AGBL1: variants seen among roughly 807,000 people sequenced by gnomAD.
AGBL1 encodes AGBL carboxypeptidase 1, also known as cytosolic carboxypeptidase 4.
AGBL1 carries 130 observed loss-of-function variants against 118.9 expected under a neutral mutation model. The ratio of observed to expected loss-of-function variants is 1.09; its 90% confidence interval spans 0.95 to 1.26. AGBL1 has a LOEUF of 1.26. Ranked by LOEUF, AGBL1 falls within the 50% of genes most tolerant of loss-of-function variation. The probability of loss-of-function intolerance (pLI) is 0.00; values close to 1 mark genes in which losing one functional copy is unlikely to be tolerated. For synonymous variants in AGBL1, 555 were observed against 478.9 expected, an observed-to-expected ratio of 1.16 and a Z score of -2.08; for missense variants, 1,584 against 1,298.1, an observed-to-expected ratio of 1.22 and a Z score of -3.38.
chr15:86,726,236 A>G, intron 22 of AGBL1, among the ~76,000 whole-genome samples: 1 of 152,310 alleles, frequency 6.6e-6, no homozygotes, highest in East Asian at 1.9e-4. Context: ...AGCTGTGACT[A>G]AATCTTTTGT....
chr15:86,204,202 A>G (rs981688819), intron 5 of AGBL1, among the ~76,000 whole-genome samples: 1 of 152,150 alleles, frequency 6.6e-6, no homozygotes, highest in Non-Finnish European at 1.5e-5. Flanking sequence ...CTGTGTCCCA[A>G]TACTCAGTGG....
intron 21 of AGBL1, among the ~76,000 whole-genome samples, chr15:86,562,820 A>T (rs1164607565): frequency 6.6e-6 from 1 of 151,638 alleles, no homozygotes; most frequent in Non-Finnish European, 1.5e-5. Context: ...TCAATTTCAG[A>T]GCCTGTTATT....
intron 2 of AGBL1, 65 bp from the exon 3 acceptor site, chr15:86,143,634 T>C: frequency 1.3e-6 from 2 of 1,573,498 alleles, no homozygotes; most frequent in Non-Finnish European, 1.7e-6. Flanking sequence ...GGGAGGTCTG[T>C]CTTCTGCTCC....
chr15:86,895,826 C>G (rs12324226), intron 22 of AGBL1, among the ~76,000 whole-genome samples: 14,998 of 151,986 alleles, frequency 0.099, 1,255 homozygotes, highest in African/African-American at 0.22. Flanking sequence ...CTTTATTTCT[C>G]AAGTTTTCTA....
intron 21 of AGBL1, among the ~76,000 whole-genome samples, chr15:86,588,313 C>T (rs932022206): frequency 6.6e-6 from 1 of 152,120 alleles, no homozygotes; most frequent in African/African-American, 2.4e-5. Flanking sequence ...ATCAAAGACC[C>T]TCTTACACAG....
chr15:86,831,188 C>G lies in AGBL1; in HGVS notation c.3159-75899C>G, dbSNP rs567445290. ...CTCCCCCTGGGTTCCTCCCATGACA[C>G]ATGAGGATTATGGGAGCTAAAATTC... On this transcript the variant is annotated intron_variant, in intron 22 of 22. Transcript: ENST00000614907. Among the ~76,000 whole-genome samples, 8 of 152,278 alleles carry G rather than the reference C, an allele frequency of 5.3e-5. No homozygotes were observed. The South Asian group carries it at 1.5e-3, about 28-fold the overall frequency.
chr15:86,116,414 C>T (rs890216228), intron 1 of AGBL1, among the ~76,000 whole-genome samples: 1 of 152,124 alleles, frequency 6.6e-6, no homozygotes, highest in African/African-American at 2.4e-5. Flanking sequence ...CTAAGGGATG[C>T]CCAGGTAGCT....
At chr15:86,942,276 G>A (rs1321054600) in intron 23 of AGBL1, among the ~76,000 whole-genome samples, 1 of 152,182 alleles carries the variant, frequency 6.6e-6, no homozygotes, top group East Asian at 1.9e-4. Context: ...TGTGCTTGGA[G>A]GACTGTGAAG....
chr15:86,120,106 G>A (rs905088225), intron 1 of AGBL1, among the ~76,000 whole-genome samples: 1 of 152,112 alleles, frequency 6.6e-6, no homozygotes, highest in African/African-American at 2.4e-5. Flanking sequence ...ATTGCCTATA[G>A]GATAAAATCT....
intron 22 of AGBL1, among the ~76,000 whole-genome samples, chr15:86,778,671 G>A (rs1468916465): frequency 3.3e-5 from 5 of 152,088 alleles, no homozygotes; most frequent in African/African-American, 9.7e-5. Context: ...TGCTGTTATC[G>A]TGTTCTTTTT....
chr15:86,888,119 C>T (rs1396440576), intron 22 of AGBL1, among the ~76,000 whole-genome samples: 1 of 152,036 alleles, frequency 6.6e-6, no homozygotes, highest in African/African-American at 2.4e-5. Flanking sequence ...TTTGGGCCCA[C>T]AGAGATCAAA....
intron 1 of AGBL1, among the ~76,000 whole-genome samples, chr15:86,135,917 T>C (rs2076882808): frequency 3.3e-5 from 5 of 152,298 alleles, no homozygotes; most frequent in African/African-American, 7.2e-5. Flanking sequence ...TCATGTGGAA[T>C]ACTTGATCTG....
intron 24 of AGBL1, among the ~76,000 whole-genome samples, chr15:87,009,161 G>T (rs2081533699): frequency 6.6e-6 from 1 of 152,140 alleles, no homozygotes; most frequent in South Asian, 2.1e-4. Flanking sequence ...AGGTGCAGAG[G>T]TAGTTTAGGA....
intron 2 of AGBL1, among the ~76,000 whole-genome samples, chr15:86,143,195 G>T (rs945759727): frequency 6.6e-6 from 1 of 152,172 alleles, no homozygotes; most frequent in South Asian, 2.1e-4. Context: ...AGGGACTACT[G>T]CAGTGGTTTC....
intron 18 of AGBL1, among the ~76,000 whole-genome samples, chr15:86,472,840 G>T (rs1273692644): frequency 6.6e-6 from 1 of 152,060 alleles, no homozygotes; most frequent in Non-Finnish European, 1.5e-5. Context: ...AATTGCTTGA[G>T]CCCAAAAGGC....
rs1269333415 is a variant in AGBL1 at position 86,728,764 on chromosome 15, G to T, written c.3158+54328G>T. Among the ~76,000 whole-genome samples, 9 of 152,122 alleles carry T rather than the reference G, an allele frequency of 5.9e-5. No individual in the cohort carries two copies. In the East Asian group the frequency reaches 1.7e-3, roughly 29 times the overall value. On this transcript the variant is annotated intron_variant, in intron 22 of 22. Transcript: ENST00000614907. ...TGTGTCTGGAGTTATCAAGGGGATA[G>T]AATTCCAGGTTTCTCTTTACTTGCT...
intron 22 of AGBL1, among the ~76,000 whole-genome samples, chr15:86,875,326 T>G (rs2079791963): frequency 6.6e-6 from 1 of 152,142 alleles, no homozygotes; most frequent in Admixed American, 6.5e-5. Flanking sequence ...CCAGATCACA[T>G]CTTACTATCC....
intron 17 of AGBL1, among the ~76,000 whole-genome samples, chr15:86,316,406 G>A (rs2080010860): frequency 1.3e-5 from 2 of 152,174 alleles, no homozygotes; most frequent in South Asian, 4.1e-4. Context: ...TCATGCCGTG[G>A]GTGGACAGGA....
intron 18 of AGBL1, among the ~76,000 whole-genome samples, chr15:86,515,513 G>T (rs2142186499): frequency 6.6e-6 from 1 of 152,096 alleles, no homozygotes; most frequent in African/African-American, 2.4e-5. Flanking sequence ...ATTAGTTCTT[G>T]ATTTTTAAAC....
Sources: gnomAD v4.1 joint callset for allele counts (sites outside exome capture counted in the v4.1 genomes callset) on GRCh38, gnomAD v4.1.1 for gene constraint, MANE v1.5 for transcripts, NCBI Gene and HGNC (gene_info 2026-07-23, HGNC 2026-07-21) for gene names.